The following LUC7L2 variants were observed in gnomAD, a reference collection of about 807,000 sequenced individuals.
LUC7L2 encodes the protein LUC7 like 2, pre-mRNA splicing factor.
In LUC7L2, 25 loss-of-function variants were observed where a neutral mutation model predicts 52.8. The ratio of observed to expected loss-of-function variants is 0.47; its 90% CI spans 0.34 to 0.66. The LOEUF (loss-of-function observed/expected upper bound fraction) is 0.66. Among genes scored for constraint, LUC7L2 ranks in the 30% least tolerant of loss-of-function variants. The pLI is 0.01. For missense variants in LUC7L2, 328 were observed against 497.8 expected (o/e 0.66, Z 3.25); for synonymous variants, 144 against 160.9 (o/e 0.89, Z 0.80).
At position 139,408,703 on chromosome 7, in the gene LUC7L2, G is replaced by A. The variant is rs1795221358; in HGVS notation, c.688-860G>A. ...CTAAAAATATAAAAATTAGCTGGGT[G>A]TGGTGGCATGTGCCTGTAGTCCCAG... On this transcript the variant is annotated intron_variant, in intron 6 of 9. Transcript: ENST00000354926. Among the ~76,000 whole-genome samples the A allele has an allele frequency of 2.0e-5, 3 of 152,050 alleles. No homozygotes were observed. In the South Asian group the frequency reaches 6.2e-4, roughly 32 times the overall value.
At chr7:139,344,557 G>A (rs1799166014) in intron 1 of LUC7L2, among the ~76,000 whole-genome samples, 1 of 151,958 alleles carries the variant, frequency 6.6e-6, no homozygotes. Flanking sequence ...ATCCAAAGAT[G>A]CAGAACCCAT....
At chr7:139,342,184 T>G (rs1400269505) in intron 1 of LUC7L2, among the ~76,000 whole-genome samples, 1 of 121,346 alleles carries the variant, frequency 8.2e-6, no homozygotes, top group Non-Finnish European at 1.6e-5. Flanking sequence ...CAGATGCACA[T>G]GTGTCCTGTC....
At chr7:139,376,749 A>G (rs1453767584) in intron 2 of LUC7L2, among the ~76,000 whole-genome samples, 1 of 152,202 alleles carries the variant, frequency 6.6e-6, no homozygotes, top group East Asian at 1.9e-4. Flanking sequence ...GGAACAGAGA[A>G]TTTGATTCTC....
intron 1 of LUC7L2, among the ~76,000 whole-genome samples, chr7:139,344,034 A>C (rs1229852964): frequency 6.6e-6 from 1 of 151,678 alleles, no homozygotes; most frequent in Non-Finnish European, 1.5e-5. Context: ...AGAGCTATGC[A>C]CACATCCCCA....
At chr7:139,384,741 C>A (rs1226985546) in intron 2 of LUC7L2, among the ~76,000 whole-genome samples, 1 of 151,804 alleles carries the variant, frequency 6.6e-6, no homozygotes, top group Non-Finnish European at 1.5e-5. Context: ...TTCTGTCATT[C>A]TGAATAATAA....
rs1278159460 is a variant in LUC7L2 at position 139,391,592 on chromosome 7, T to A, written c.157-7007T>A. On this transcript the variant is annotated intron_variant, in intron 2 of 9. Coordinates refer to ENST00000354926, the MANE Select transcript of LUC7L2 (RefSeq NM_016019.5). Reference sequence around the variant, plus strand: ...TTTCTCTAAAATTAAATTGGCTTCTTTTTTTTTGGTGGGGGGGACAGGGTC... The same window carrying A: ...TTTCTCTAAAATTAAATTGGCTTCTATTTTTTTGGTGGGGGGGACAGGGTC... Among the ~76,000 whole-genome samples the A allele has an allele frequency of 3.3e-5, 5 of 151,684 alleles. No individual in the cohort carries two copies. In the East Asian group the frequency reaches 9.7e-4, roughly 29 times the overall value.
At position 139,354,859 on chromosome 7, in the gene LUC7L2, C is replaced by CT. The variant is rs35111843; in HGVS notation, c.-26+14357dup. Among the ~76,000 whole-genome samples the CT allele has an allele frequency of 2.7e-3, 383 of 142,348 alleles. 1 individual carries two copies. Among genetic ancestry groups the CT allele is most frequent in the Middle Eastern group, 3.5e-3 (1 of 286 alleles). The allele number at this position is 142,348 out of a possible 152,430, so 93.4% of individuals were successfully genotyped here. A position where few individuals can be genotyped will look rare whatever the true frequency, so the allele number is the denominator to read the frequency against. ...AAATAAAACAAAAATTCTTGCTGGACTTTTTTTTTTTTTTTGAGACAGGGT... is the reference window on the plus strand; with the variant it reads ...AAATAAAACAAAAATTCTTGCTGGACTTTTTTTTTTTTTTTTGAGACAGGGT... On this transcript the variant is annotated intron_variant, in intron 1 of 10. Transcript: ENST00000541170.
intron 1 of LUC7L2, among the ~76,000 whole-genome samples, chr7:139,342,184 T>A (rs1400269505): frequency 3.3e-5 from 4 of 121,346 alleles, no homozygotes; most frequent in Non-Finnish European, 4.7e-5. Flanking sequence ...CAGATGCACA[T>A]GTGTCCTGTC....
chr7:139,417,706 G>A lies in LUC7L2; in HGVS notation c.978G>A (p.Arg326=), dbSNP rs1270868618. The change falls in exon 9 of 10, where the codon AGG becomes AGA. Residue 326 remains arginine (R), a synonymous_variant. Coordinates refer to ENST00000354926, the MANE Select transcript of LUC7L2 (RefSeq NM_016019.5). ...HQRSRHSSRD[R]SRERSKRRSS... The stretch of plus-strand genomic sequence containing the variant: ...GAAGTCGGCACAGTTCTAGAGATAG[G>A]AGCAGAGAACGATCCAAGAGGAGGT... 6.2e-7 allele frequency: 1 copy of A among 1,614,170 alleles called. No homozygotes were observed. The highest frequency in any genetic ancestry group is 1.7e-5 in the Admixed American group (1 of 60,024).
intron 2 of LUC7L2, among the ~76,000 whole-genome samples, chr7:139,393,406 G>T (rs772414550): frequency 6.6e-5 from 10 of 152,122 alleles, no homozygotes; most frequent in East Asian, 5.8e-4. Context: ...CTCCAGACTG[G>T]GGGACAGAGT....
At chr7:139,345,504 AC>A in intron 1 of LUC7L2, 1 of 1,614,200 alleles carries the variant, frequency 6.2e-7, no homozygotes, top group East Asian at 2.2e-5. Context: ...TCTCTAGGTC[AC>A]CAGTGAAAAG....
intron 1 of LUC7L2, among the ~76,000 whole-genome samples, chr7:139,367,271 C>T (rs1800210212): frequency 6.6e-6 from 1 of 152,090 alleles, no homozygotes; most frequent in Admixed American, 6.6e-5. Context: ...CATGCCTGGC[C>T]TTGCCTTTAT....
At position 139,383,426 on chromosome 7, in the gene LUC7L2, T is replaced by A. The variant is rs543806706; in HGVS notation, c.156+7270T>A. On this transcript the variant is annotated intron_variant, in intron 2 of 9. Coordinates refer to ENST00000354926, the MANE Select transcript of LUC7L2 (RefSeq NM_016019.5). ...ATTGGATTTATTTATTTATTTATTTTTTGAGATGGAGTTTTGCTCTTGTTG... is the reference window on the plus strand; with the variant it reads ...ATTGGATTTATTTATTTATTTATTTATTGAGATGGAGTTTTGCTCTTGTTG... Among the ~76,000 whole-genome samples, 50 of 151,304 alleles carry A rather than the reference T, an allele frequency of 3.3e-4. 1 individual carries two copies. The South Asian group carries it at 0.01, about 30-fold the overall frequency.
At chr7:139,391,459 C>T (rs1794445162) in intron 2 of LUC7L2, among the ~76,000 whole-genome samples, 1 of 152,192 alleles carries the variant, frequency 6.6e-6, no homozygotes, top group Non-Finnish European at 1.5e-5. Flanking sequence ...TATTAATTTA[C>T]ACTTAGCAGT....
chr7:139,386,782 A>C (rs980810451), intron 2 of LUC7L2, among the ~76,000 whole-genome samples: 4 of 152,096 alleles, frequency 2.6e-5, no homozygotes, highest in African/African-American at 9.7e-5. Flanking sequence ...ATTCTTACTC[A>C]TTAAGGGAAC....
At chr7:139,374,009 T>C (rs1171648040) in intron 1 of LUC7L2, among the ~76,000 whole-genome samples, 2 of 152,242 alleles carry the variant, frequency 1.3e-5, no homozygotes, top group East Asian at 1.9e-4. Context: ...TTTTCTTAAA[T>C]GGTAGGAAGC....
Position 139,422,358 on chromosome 7 carries a change from T to C in LUC7L2, c.*18T>C. 2 of 1,598,824 alleles carry C rather than the reference T, an allele frequency of 1.3e-6. No individual in the cohort carries two copies. The highest frequency in any genetic ancestry group is 1.7e-6 in the Non-Finnish European group (2 of 1,174,010). On this transcript the variant is annotated 3_prime_UTR_variant, in exon 10 of 10. Coordinates refer to ENST00000354926, the MANE Select transcript of LUC7L2 (RefSeq NM_016019.5). Reference sequence around the variant, plus strand: ...AGATCTAACTAGCTGTGTACATTTCTTCAGTCCTTAAGCTTCCTACGGAGT... The same window carrying C: ...AGATCTAACTAGCTGTGTACATTTCCTCAGTCCTTAAGCTTCCTACGGAGT...
Position 139,343,922 on chromosome 7 carries a change from TC to T in LUC7L2, c.-26+3409del, listed in dbSNP as rs371902805. ...GCCTGGGCAACAAAGTGAGACCCTG[TC>T]CCCAAAAAAAAAAAAAAAAAAAAGA... On this transcript the variant is annotated intron_variant, in intron 1 of 10. Coordinates refer to the LUC7L2 transcript ENST00000541170. Among the ~76,000 whole-genome samples the T allele has an allele frequency of 8.4e-4, 59 of 70,020 alleles. 2 individuals are homozygous for T. The highest frequency in any genetic ancestry group is 2.1e-3 in the African/African-American group (18 of 8,480). 45.9% of individuals were successfully genotyped at this position (70,020 alleles called of 152,430 possible). A position where few individuals can be genotyped will look rare whatever the true frequency, so the allele number is the denominator to read the frequency against.
At chr7:139,416,878 G>T (rs1440086430) in intron 8 of LUC7L2, 1 of 152,038 alleles carries the variant, frequency 6.6e-6, no homozygotes, top group Non-Finnish European at 1.5e-5. Context: ...ATTTCTAGAG[G>T]ATACAAAAAT....
Sources: allele counts gnomAD v4.1 joint callset (sites outside exome capture counted in the v4.1 genomes callset), GRCh38; gene constraint gnomAD v4.1.1; transcripts MANE v1.5; gene names NCBI Gene and HGNC (gene_info 2026-07-23, HGNC 2026-07-21).